GDI2: variants seen among roughly 807,000 people sequenced by gnomAD.
The protein encoded by GDI2 is rab GDP dissociation inhibitor beta.
A neutral mutation model predicts 54.2 loss-of-function variants in GDI2; 22 were observed. That is an observed-to-expected ratio of 0.41 (90% confidence interval 0.29 to 0.58). GDI2 has a LOEUF of 0.58. GDI2 is among the 20% of genes least tolerant of loss of function. The pLI is 0.35. For synonymous variants in GDI2, 177 were observed against 182.1 expected, an observed-to-expected ratio of 0.97 and a Z score of 0.23; for missense variants, 422 against 546.0, an observed-to-expected ratio of 0.77 and a Z score of 2.26.
chr10:5,806,999 C>G (rs565506764), intron 1 of GDI2, among the ~76,000 whole-genome samples: 48 of 152,204 alleles, frequency 3.2e-4, no homozygotes, highest in Admixed American at 1.0e-3. Flanking sequence ...GTGGCCGAGT[C>G]CAAAGAGCTG....
intron 1 of GDI2, among the ~76,000 whole-genome samples, chr10:5,805,618 TCAAG>T (rs1392811602): frequency 6.6e-6 from 1 of 152,188 alleles, no homozygotes; most frequent in Non-Finnish European, 1.5e-5. Flanking sequence ...CAAGGTTTGC[TCAAG>T]CAATCCTCCT....
At chr10:5,812,869 G>A (rs1437513591) in intron 1 of GDI2, among the ~76,000 whole-genome samples, 1 of 152,144 alleles carries the variant, frequency 6.6e-6, no homozygotes, top group Non-Finnish European at 1.5e-5. Flanking sequence ...GAGGTCACCG[G>A]CCCAAACCGG....
chr10:5,792,187 T>C (rs1221562791), intron 4 of GDI2, among the ~76,000 whole-genome samples: 1 of 152,184 alleles, frequency 6.6e-6, no homozygotes, highest in Non-Finnish European at 1.5e-5. Flanking sequence ...GTTAAGAGTG[T>C]GGGATTCTAA....
Position 5,776,823 on chromosome 10 carries a change from T to C in GDI2, c.720-2882A>G. The C allele has an allele frequency of 2.8e-6, 4 of 1,434,284 alleles. No homozygotes were observed. Among genetic ancestry groups the C allele is most frequent in the Non-Finnish European group, 3.9e-6 (4 of 1,036,310 alleles). The allele number at this position is 1,434,284 out of a possible 1,614,324, so 88.8% of individuals were successfully genotyped here. ...TTTCCATCTCCAGAACTTCCCCTTA[T>C]GGAGCTGAGGATATTCTGAAAGGAT... is the stretch of plus-strand genomic sequence containing the variant. On this transcript the variant is annotated intron_variant, in intron 6 of 10. Transcript: ENST00000380191. This position sits in a 1 kb window ranked among gnomAD's most constrained non-coding sequence, Gnocchi z 5.3.
chr10:5,766,159 A>G lies in GDI2; in HGVS notation c.1192-7T>C. On this transcript the variant is annotated splice_region_variant and splice_polypyrimidine_tract_variant and intron_variant, in intron 10 of 10. Coordinates refer to ENST00000380191, the MANE Select transcript of GDI2 (RefSeq NM_001494.4). The surrounding 1 kb of genome is among the most constrained non-coding windows in gnomAD (Gnocchi z 5.8). ...ATGTGCGGGAAATAAAGATCTGAAA[A>G]CAAAAATTACGAAGACTTAAGACCA... 1 of 1,613,868 alleles carries G rather than the reference A, an allele frequency of 6.2e-7. No homozygotes were observed. Among genetic ancestry groups the G allele is most frequent in the Non-Finnish European group, 8.5e-7 (1 of 1,179,754 alleles).
chr10:5,773,291 T>C (rs983535208), intron 7 of GDI2, among the ~76,000 whole-genome samples: 2 of 152,000 alleles, frequency 1.3e-5, no homozygotes, highest in Non-Finnish European at 2.9e-5. Flanking sequence ...CAAGAACTGT[T>C]GCAGATAGTA....
In GDI2 at chr10:5,785,929, A is replaced by C; in HGVS notation, c.510T>G (p.Asp170Glu). 1 of 1,611,358 alleles carries C rather than the reference A, an allele frequency of 6.2e-7. No individual in the cohort carries two copies. The highest frequency in any genetic ancestry group is 2.2e-5 in the East Asian group (1 of 44,852). ...GIDPKKTTMR[D>E]VYKKFDLGQD... ...GACCCAAATCAAATTTCTTATACAC[A>C]TCTCGCATTGTGGTCTTCTTAGGAT... The change falls in exon 5 of 11, where the codon GAT becomes GAG. Residue 170 changes from aspartate to glutamate, a missense_variant. By Grantham distance (45) the Asp-to-Glu change is conservative (BLOSUM62 2). Coordinates refer to ENST00000380191, the MANE Select transcript of GDI2 (RefSeq NM_001494.4).
intron 7 of GDI2, among the ~76,000 whole-genome samples, chr10:5,771,935 C>A (rs1394155178): frequency 1.3e-5 from 2 of 152,074 alleles, no homozygotes; most frequent in Admixed American, 1.3e-4. Context: ...ACTAAAAATA[C>A]AAAAATTAGC....
chr10:5,774,533 C>A lies in GDI2; in HGVS notation c.720-592G>T, dbSNP rs185952041. Among the ~76,000 whole-genome samples the A allele has an allele frequency of 6.6e-6, 1 of 152,142 alleles. No individual in the cohort carries two copies. Among genetic ancestry groups the A allele is most frequent in the African/African-American group, 2.4e-5 (1 of 41,442 alleles). The stretch of plus-strand genomic sequence containing the variant: ...GGTTTTCTTCTCCCCTTTCCACTCT[C>A]CCGCTTGCTAACCAATCACCGGAAC... On this transcript the variant is annotated intron_variant, in intron 6 of 10. Coordinates refer to ENST00000380191, the MANE Select transcript of GDI2 (RefSeq NM_001494.4). The surrounding 1 kb of genome is among the most constrained non-coding windows in gnomAD (Gnocchi z 4.8).
chr10:5,775,378 GA>G (rs1840595895), intron 6 of GDI2, among the ~76,000 whole-genome samples: 1 of 152,186 alleles, frequency 6.6e-6, no homozygotes, highest in Non-Finnish European at 1.5e-5. Flanking sequence ...CTCTTGAAAG[GA>G]ACCAAGTGGG....
intron 1 of GDI2, 29 bp from the exon 2 acceptor site, chr10:5,800,734 G>C (rs773314912): frequency 1.2e-5 from 13 of 1,099,638 alleles, no homozygotes; most frequent in South Asian, 1.2e-5. Context: ...ACCTTGAAAA[G>C]AAAGTTCTAC....
rs558326932 is a variant in GDI2, at chr10:5,784,103, T to A, written c.719+1039A>T. ...TCTTAGGCTTGGTTGTTTAACAAAC[T>A]TATTGGAGGCTGCGTTCATTTTTTT... On this transcript the variant is annotated intron_variant, in intron 6 of 10. Coordinates refer to ENST00000380191, the MANE Select transcript of GDI2 (RefSeq NM_001494.4). 2.2e-4 allele frequency among the ~76,000 whole-genome samples: 33 copies of A among 152,340 alleles called. No individual in the cohort carries two copies. In the South Asian group the frequency reaches 6.8e-3, roughly 32 times the overall value.
intron 1 of GDI2, among the ~76,000 whole-genome samples, chr10:5,805,394 A>ATCC (rs1399956656): frequency 7.0e-6 from 1 of 142,812 alleles, no homozygotes; most frequent in African/African-American, 2.6e-5. Flanking sequence ...AAAGGTTGGC[A>ATCC]GGATGCAGAC....
At chr10:5,773,064 G>T (rs1226265515) in intron 7 of GDI2, among the ~76,000 whole-genome samples, 1 of 152,082 alleles carries the variant, frequency 6.6e-6, no homozygotes, top group Non-Finnish European at 1.5e-5. Context: ...AGTCAGTCCT[G>T]TATTTTCTCT....
rs34897650 is a variant in GDI2 at position 5,804,096 on chromosome 10, C to CTT, written c.46-3393_46-3392dup. 2.5e-3 allele frequency among the ~76,000 whole-genome samples: 368 copies of CTT among 147,110 alleles called. 1 individual carries two copies. The highest frequency in any genetic ancestry group is 4.9e-3 in the South Asian group (23 of 4,694). On this transcript the variant is annotated intron_variant, in intron 1 of 10. Transcript: ENST00000380191. ...ACTATAGGAGTGTGAATCATTCTTT[C>CTT]TTTTTTTTTTTATTGAGATAGGAGT...
At chr10:5,767,315 T>C (rs1588963612) in intron 8 of GDI2, among the ~76,000 whole-genome samples, 1 of 133,088 alleles carries the variant, frequency 7.5e-6, no homozygotes, top group Non-Finnish European at 1.7e-5. Context: ...TCTTTTGTGA[T>C]TGGTTTTTTT....
intron 3 of GDI2, among the ~76,000 whole-genome samples, chr10:5,795,520 T>C (rs1841126118): frequency 6.6e-6 from 1 of 152,254 alleles, no homozygotes. Flanking sequence ...CTTTTTTTCC[T>C]ATTCAAGGTT....
At chr10:5,796,347 T>G (rs1841147888) in intron 3 of GDI2, among the ~76,000 whole-genome samples, 1 of 36,566 alleles carries the variant, frequency 2.7e-5, no homozygotes, top group African/African-American at 5.6e-5. Flanking sequence ...AGACTCCGTC[T>G]CAAAAAAAAA....
chr10:5,778,614 ATAAT>A (rs200421415), intron 6 of GDI2, among the ~76,000 whole-genome samples: 3,401 of 152,380 alleles, frequency 0.022, 63 homozygotes, highest in Non-Finnish European at 0.038. Context: ...ACCAGTTTAC[ATAAT>A]TAATAAGGGT....
Sources: allele counts gnomAD v4.1 joint callset (sites outside exome capture counted in the v4.1 genomes callset), GRCh38; gene constraint gnomAD v4.1.1; non-coding constraint Gnocchi (gnomAD v3.1); transcripts MANE v1.5; gene names NCBI Gene and HGNC (gene_info 2026-07-23, HGNC 2026-07-21).